Variants in DLG2 observed in about 807,000 individuals in gnomAD.
DLG2 encodes discs large MAGUK scaffold protein 2.
In DLG2, 45 loss-of-function variants were observed where a neutral mutation model predicts 132.5. That is an observed-to-expected ratio of 0.34 (90% CI 0.27 to 0.44). The LOEUF (loss-of-function observed/expected upper bound fraction) is 0.44, where lower values mean the gene tolerates loss of function less well. Ranked by LOEUF, DLG2 falls within the 20% of genes least tolerant of loss-of-function variation. DLG2 has a pLI of 1.00. For synonymous variants in DLG2, 424 were observed against 419.6 expected (o/e 1.01, Z -0.13); for missense variants, 1,045 against 1,196.9 (o/e 0.87, Z 1.87).
At chr11:84,578,552 A>T (rs1272985992) in intron 6 of DLG2, among the ~76,000 whole-genome samples, 1 of 152,158 alleles carries the variant, frequency 6.6e-6, no homozygotes, top group Non-Finnish European at 1.5e-5. Flanking sequence ...TGGGCCCTGT[A>T]ACCCCTTTGT....
chr11:85,157,052 C>T (rs1043909236), intron 4 of DLG2, among the ~76,000 whole-genome samples: 1 of 152,138 alleles, frequency 6.6e-6, no homozygotes, highest in African/African-American at 2.4e-5. Flanking sequence ...TAATCAGCTG[C>T]CAGTGCAGCT....
intron 19 of DLG2, among the ~76,000 whole-genome samples, chr11:83,608,665 A>G (rs1235011390): frequency 6.6e-6 from 1 of 152,108 alleles, no homozygotes; most frequent in Admixed American, 6.6e-5. Context: ...GCCATCATAA[A>G]TCAGGAGCAA....
In DLG2 at chr11:84,333,116, C is replaced by T. The variant is rs185823910; in HGVS notation, c.520-81825G>A. Among the ~76,000 whole-genome samples, 12 of 152,234 alleles carry T rather than the reference C, an allele frequency of 7.9e-5. No homozygotes were observed. In the East Asian group the frequency reaches 2.3e-3, roughly 29 times the overall value. On this transcript the variant is annotated intron_variant, in intron 7 of 27. Coordinates refer to ENST00000376104, the MANE Select transcript of DLG2 (RefSeq NM_001142699.3). ...CTTTTTGCTGTTCACATGCAAAGTC[C>T]CTGTTGCTTTATAAAGAGTGCTATA... is the stretch of plus-strand genomic sequence containing the variant.
At chr11:85,612,208 G>T (rs2081054965) in intron 2 of DLG2, among the ~76,000 whole-genome samples, 2 of 152,136 alleles carry the variant, frequency 1.3e-5, no homozygotes, top group Admixed American at 6.5e-5. Context: ...TGTCAACAAG[G>T]GCATAGCCCG....
At chr11:84,550,485 C>G (rs1409544662) in intron 6 of DLG2, among the ~76,000 whole-genome samples, 1 of 152,174 alleles carries the variant, frequency 6.6e-6, no homozygotes, top group Non-Finnish European at 1.5e-5. Flanking sequence ...ATTGCCTTCA[C>G]TGCTCATTCA....
intron 16 of DLG2, among the ~76,000 whole-genome samples, chr11:83,856,767 C>G (rs745705740): frequency 6.6e-6 from 1 of 152,098 alleles, no homozygotes; most frequent in Non-Finnish European, 1.5e-5. Context: ...TTCTCCAATT[C>G]TGTAGGTGGT....
At chr11:84,533,188 G>A (rs114896498) in intron 7 of DLG2, among the ~76,000 whole-genome samples, 7 of 152,324 alleles carry the variant, frequency 4.6e-5, no homozygotes, top group African/African-American at 1.7e-4. Flanking sequence ...GAGCTGTGGT[G>A]TTAAAATGTT....
intron 4 of DLG2, among the ~76,000 whole-genome samples, chr11:85,263,864 AAC>A (rs2077068642): frequency 6.6e-6 from 1 of 152,214 alleles, no homozygotes; most frequent in South Asian, 2.1e-4. Flanking sequence ...CATAGGTGGT[AAC>A]AGTTATTGAA....
chr11:85,066,901 A>T (rs552418141), intron 6 of DLG2, among the ~76,000 whole-genome samples: 1 of 151,756 alleles, frequency 6.6e-6, no homozygotes, highest in African/African-American at 2.4e-5. Flanking sequence ...TACCACTTCT[A>T]TTTAACACAG....
intron 6 of DLG2, among the ~76,000 whole-genome samples, chr11:84,689,534 T>A (rs2057770968): frequency 6.6e-6 from 1 of 152,128 alleles, no homozygotes; most frequent in Admixed American, 6.6e-5. Context: ...TATAAGTATT[T>A]ATTATGCATT....
intron 9 of DLG2, among the ~76,000 whole-genome samples, chr11:84,147,028 C>A (rs939800469): frequency 6.6e-6 from 1 of 152,112 alleles, no homozygotes; most frequent in African/African-American, 2.4e-5. Context: ...GGGAATGCTG[C>A]CCCCTCTCTG....
At chr11:85,428,750 T>C (rs1300711538) in intron 3 of DLG2, among the ~76,000 whole-genome samples, 3 of 152,132 alleles carry the variant, frequency 2.0e-5, no homozygotes, top group Admixed American at 2.0e-4. Flanking sequence ...ATTTGAAAGC[T>C]AGCAGAAGGC....
At position 85,380,805 on chromosome 11, in the gene DLG2, T is replaced by C. The variant is rs138884334; in HGVS notation, c.41-95440A>G. Among the ~76,000 whole-genome samples the C allele has an allele frequency of 4.3e-3, 650 of 152,308 alleles. 9 individuals are homozygous for C. Among genetic ancestry groups the C allele is most frequent in the African/African-American group, 0.015 (603 of 41,580 alleles). ...AGGCTATTGAGGATAATCCAAGGAA[T>C]GACAACACTTATAGGAGTCCAGAAT... On this transcript the variant is annotated intron_variant, in intron 3 of 27. Transcript: ENST00000376104.
chr11:83,697,294 T>A (rs1442480981), intron 18 of DLG2, among the ~76,000 whole-genome samples: 1 of 152,182 alleles, frequency 6.6e-6, no homozygotes, highest in Non-Finnish European at 1.5e-5. Context: ...GACTCTAAAA[T>A]AACAAATACT....
intron 2 of DLG2, among the ~76,000 whole-genome samples, chr11:85,610,665 C>G (rs1375287165): frequency 1.3e-5 from 2 of 152,212 alleles, no homozygotes; most frequent in Non-Finnish European, 2.9e-5. Flanking sequence ...AGCCTCATGC[C>G]AACAGGCTAC....
intron 11 of DLG2, among the ~76,000 whole-genome samples, chr11:84,043,631 C>T (rs2096159398): frequency 1.3e-5 from 2 of 151,766 alleles, no homozygotes; most frequent in South Asian, 4.1e-4. Flanking sequence ...CCTTGGGCCA[C>T]TAGCTCATTT....
chr11:84,198,607 G>C (rs1018938264), intron 8 of DLG2, among the ~76,000 whole-genome samples: 1 of 151,900 alleles, frequency 6.6e-6, no homozygotes, highest in African/African-American at 2.4e-5. Flanking sequence ...GTATTCTTAA[G>C]AAAAAATATA....
At position 84,502,214 on chromosome 11, in the gene DLG2, CCTTCCTTCCTTCCTTCCT is replaced by C. The variant is rs2099212206; in HGVS notation, c.519+32338_519+32355del. Among the ~76,000 whole-genome samples, 116 of 11,648 alleles carry C rather than the reference CCTTCCTTCCTTCCTTCCT, an allele frequency of 1.0e-2. 27 individuals are homozygous for C. The highest frequency in any genetic ancestry group is 0.083 in the Middle Eastern group (3 of 36). 7.6% of individuals were successfully genotyped at this position (11,648 alleles called of 152,430 possible). A position where few individuals can be genotyped will look rare whatever the true frequency, so the allele number is the denominator to read the frequency against. On this transcript the variant is annotated intron_variant, in intron 7 of 27. Transcript: ENST00000376104. ...TCTCTCTCTCTCTCCTTCCTTCCTT[CCTTCCTTCCTTCCTTCCT>C]TCCTTCCTTCCTTCCTTCCTTCCTT...
chr11:84,200,417 C>A (rs968012056), intron 8 of DLG2, among the ~76,000 whole-genome samples: 7 of 152,046 alleles, frequency 4.6e-5, no homozygotes, highest in African/African-American at 1.4e-4. Flanking sequence ...CTAGGTTTCA[C>A]TATGTAAATA....
Sources: gnomAD v4.1 joint callset for allele counts (sites outside exome capture counted in the v4.1 genomes callset) on GRCh38, gnomAD v4.1.1 for gene constraint, MANE v1.5 for transcripts, NCBI Gene and HGNC (gene_info 2026-07-23, HGNC 2026-07-21) for gene names.